Variants in CAMKMT observed in about 807,000 individuals in gnomAD.
The protein encoded by CAMKMT is CaM KMT.
CAMKMT carries 53 observed loss-of-function variants against 48.0 expected under a neutral mutation model. The observed-to-expected ratio is 1.10, with a 90% CI of 0.89 to 1.39. CAMKMT has a LOEUF of 1.39. Ranked by LOEUF, CAMKMT falls within the 40% of genes most tolerant of loss-of-function variation. CAMKMT has a pLI of 0.00. For synonymous variants in CAMKMT, 165 were observed against 152.3 expected, an observed-to-expected ratio of 1.08 and a Z score of -0.61; for missense variants, 428 against 402.7, an observed-to-expected ratio of 1.06 and a Z score of -0.54.
intron 3 of CAMKMT, among the ~76,000 whole-genome samples, chr2:44,627,776 C>T (rs2103956572): frequency 8.3e-6 from 1 of 120,108 alleles, no homozygotes; most frequent in South Asian, 3.0e-4. Flanking sequence ...GTGGTGCAAT[C>T]TCAGACTCTG....
At chr2:44,607,031 A>C (rs1047501192) in intron 3 of CAMKMT, among the ~76,000 whole-genome samples, 3 of 152,298 alleles carry the variant, frequency 2.0e-5, no homozygotes, top group Non-Finnish European at 4.4e-5. Context: ...TAACACCTCT[A>C]ACTGCACTAT....
chr2:44,365,817 C>CACCT (rs1678533342), intron 1 of CAMKMT, among the ~76,000 whole-genome samples: 2 of 152,214 alleles, frequency 1.3e-5, no homozygotes, highest in African/African-American at 4.8e-5. Flanking sequence ...ATTTACAAAC[C>CACCT]ACCTACCGAA....
intron 3 of CAMKMT, among the ~76,000 whole-genome samples, chr2:44,435,511 A>G (rs1666184054): frequency 6.6e-6 from 1 of 152,226 alleles, no homozygotes; most frequent in Non-Finnish European, 1.5e-5. Flanking sequence ...TTGGATGATG[A>G]TTCAGTGCCT....
chr2:44,436,114 C>A (rs1666232914), intron 3 of CAMKMT, among the ~76,000 whole-genome samples: 1 of 152,068 alleles, frequency 6.6e-6, no homozygotes, highest in Admixed American at 6.5e-5. Context: ...CTCCCTCTGT[C>A]ACCCAGGCTG....
chr2:44,518,735 T>C (rs1304589015), intron 3 of CAMKMT, among the ~76,000 whole-genome samples: 1 of 152,174 alleles, frequency 6.6e-6, no homozygotes, highest in Non-Finnish European at 1.5e-5. Flanking sequence ...CTTAACTACC[T>C]GATGATGATG....
intron 3 of CAMKMT, among the ~76,000 whole-genome samples, chr2:44,530,623 A>C (rs1036124954): frequency 6.6e-6 from 1 of 152,144 alleles, no homozygotes; most frequent in African/African-American, 2.4e-5. Flanking sequence ...GGGCCAAAGC[A>C]TGTGCAATAT....
At chr2:44,743,926 C>T (rs1194271976) in intron 8 of CAMKMT, among the ~76,000 whole-genome samples, 1 of 152,172 alleles carries the variant, frequency 6.6e-6, no homozygotes, top group Non-Finnish European at 1.5e-5. Context: ...GAAGCATTTC[C>T]ATTTTCTGGA....
chr2:44,546,540 G>A lies in CAMKMT; in HGVS notation c.376+156235G>A, dbSNP rs114131913. ...GCTATTCCTGATGACCTGCCACTACGGATCTGCAGCACTGCACTCTTGTGT... is the reference window on the plus strand; with the variant it reads ...GCTATTCCTGATGACCTGCCACTACAGATCTGCAGCACTGCACTCTTGTGT... On this transcript the variant is annotated intron_variant, in intron 3 of 10. Coordinates refer to ENST00000378494, the MANE Select transcript of CAMKMT (RefSeq NM_024766.5). 7.3e-3 allele frequency among the ~76,000 whole-genome samples: 1,111 copies of A among 152,240 alleles called. 15 individuals carry two copies. The highest frequency in any genetic ancestry group is 0.025 in the African/African-American group (1,049 of 41,536).
chr2:44,739,172 T>C (rs1215870362), intron 7 of CAMKMT, among the ~76,000 whole-genome samples: 1 of 152,202 alleles, frequency 6.6e-6, no homozygotes, highest in African/African-American at 2.4e-5. Flanking sequence ...TTTAAAAGAA[T>C]CACTCTGGCT....
At chr2:44,622,133 A>G (rs13409374) in intron 3 of CAMKMT, among the ~76,000 whole-genome samples, 87,070 of 151,968 alleles carry the variant, frequency 0.57, 26,255 homozygotes, top group Admixed American at 0.67. Flanking sequence ...AGGTAGTGGT[A>G]AGGAATAATA....
chr2:44,703,696 T>G (rs1677381880), intron 3 of CAMKMT, among the ~76,000 whole-genome samples: 1 of 150,378 alleles, frequency 6.6e-6, no homozygotes, highest in Admixed American at 6.7e-5. Context: ...GAGAATCACT[T>G]GAATCCAGGA....
At chr2:44,476,315 T>C (rs1242824878) in intron 3 of CAMKMT, among the ~76,000 whole-genome samples, 1 of 152,148 alleles carries the variant, frequency 6.6e-6, no homozygotes, top group African/African-American at 2.4e-5. Flanking sequence ...AGGTAAAGAT[T>C]ATTGCAAATT....
At chr2:44,443,533 T>C (rs572549423) in intron 3 of CAMKMT, among the ~76,000 whole-genome samples, 32 of 152,302 alleles carry the variant, frequency 2.1e-4, no homozygotes, top group Non-Finnish European at 3.8e-4. Context: ...TTGTAGGTTT[T>C]ACATTTAAGC....
intron 3 of CAMKMT, among the ~76,000 whole-genome samples, chr2:44,537,479 T>C (rs1666839492): frequency 6.6e-6 from 1 of 152,198 alleles, no homozygotes; most frequent in African/African-American, 2.4e-5. Flanking sequence ...TATTGTTGTA[T>C]CTTACGTCAG....
At chr2:44,649,369 G>A (rs138054478) in intron 3 of CAMKMT, among the ~76,000 whole-genome samples, 144 of 152,118 alleles carry the variant, frequency 9.5e-4, no homozygotes, top group African/African-American at 3.3e-3. Flanking sequence ...GTGCTCAGAC[G>A]GCTCTAGTCA....
At chr2:44,654,795 G>A (rs945270638) in intron 3 of CAMKMT, among the ~76,000 whole-genome samples, 31 of 152,094 alleles carry the variant, frequency 2.0e-4, no homozygotes, top group African/African-American at 6.8e-4. Flanking sequence ...GATTACAGGC[G>A]TGAGCCACTG....
intron 2 of CAMKMT, among the ~76,000 whole-genome samples, chr2:44,375,303 A>G (rs369291463): frequency 6.6e-6 from 1 of 151,842 alleles, no homozygotes; most frequent in Non-Finnish European, 1.5e-5. Flanking sequence ...AGCAGTAATG[A>G]TGATTGAAAA....
chr2:44,577,552 C>A (rs1669292628), intron 3 of CAMKMT, among the ~76,000 whole-genome samples: 1 of 151,900 alleles, frequency 6.6e-6, no homozygotes, highest in Admixed American at 6.6e-5. Context: ...CTGAGAGGTC[C>A]AGGCTGCAGT....
At chr2:44,760,627 A>T (rs1183115637) in intron 9 of CAMKMT, among the ~76,000 whole-genome samples, 1 of 151,886 alleles carries the variant, frequency 6.6e-6, no homozygotes, top group Non-Finnish European at 1.5e-5. Context: ...AAAAAAAAAA[A>T]AAGAGTTAGG....
Sources: gnomAD v4.1 joint callset for allele counts (sites outside exome capture counted in the v4.1 genomes callset) on GRCh38, gnomAD v4.1.1 for gene constraint, MANE v1.5 for transcripts, NCBI Gene and HGNC (gene_info 2026-07-23, HGNC 2026-07-21) for gene names.